ITPR2: variants seen among roughly 807,000 people sequenced by gnomAD.
ITPR2 encodes the protein inositol 1,4,5-trisphosphate receptor type 2.
In ITPR2, 207 loss-of-function variants were observed where a neutral mutation model predicts 317.1. The observed-to-expected ratio is 0.65, with a 90% CI of 0.58 to 0.73. The LOEUF is 0.73. Among genes scored for constraint, ITPR2 ranks in the 30% least tolerant of loss-of-function variants. The pLI, the probability that ITPR2 is intolerant of heterozygous loss-of-function variation, is 0.00. For synonymous variants in ITPR2, 1,156 were observed against 1,149.1 expected, an observed-to-expected ratio of 1.01 and a Z score of -0.12; for missense variants, 2,613 against 3,284.0, an observed-to-expected ratio of 0.80 and a Z score of 4.99.
chr12:26,528,505 A>G (rs1418243832), intron 37 of ITPR2, among the ~76,000 whole-genome samples: 1 of 152,228 alleles, frequency 6.6e-6, no homozygotes, highest in Non-Finnish European at 1.5e-5. Context: ...TTGTACTGAA[A>G]TGCCATTTCT....
intron 21 of ITPR2, among the ~76,000 whole-genome samples, chr12:26,645,054 A>T (rs1947081460): frequency 6.6e-6 from 1 of 152,000 alleles, no homozygotes; most frequent in Non-Finnish European, 1.5e-5. Context: ...CCTCCACTAA[A>T]CTGCATCACA....
chr12:26,438,719 C>T (rs187627506), intron 47 of ITPR2, among the ~76,000 whole-genome samples: 20 of 152,226 alleles, frequency 1.3e-4, no homozygotes, highest in Non-Finnish European at 2.6e-4. Flanking sequence ...AAACACGAAA[C>T]AATCCCCTCA....
chr12:26,830,820 A>G (rs1248631468), intron 1 of ITPR2, among the ~76,000 whole-genome samples: 2 of 152,204 alleles, frequency 1.3e-5, no homozygotes, highest in Non-Finnish European at 2.9e-5. Flanking sequence ...AATTACTACA[A>G]TAGCTAACAC....
chr12:26,366,491 CT>C lies in ITPR2; in HGVS notation c.7857+20942del, dbSNP rs373394236. ...CTATCTTCAAAATAAAATACATTTT[CT>C]TTTTGTTGAAATAACTCAAATACAA... is the stretch of plus-strand genomic sequence containing the variant. On this transcript the variant is annotated intron_variant, in intron 55 of 56. Coordinates refer to ENST00000381340, the MANE Select transcript of ITPR2 (RefSeq NM_002223.4). 5.2e-3 allele frequency among the ~76,000 whole-genome samples: 795 copies of C among 152,248 alleles called. 9 individuals are homozygous for C. Among genetic ancestry groups the C allele is most frequent in the African/African-American group, 0.018 (756 of 41,574 alleles).
intron 45 of ITPR2, among the ~76,000 whole-genome samples, chr12:26,459,599 C>T (rs768252182): frequency 6.6e-6 from 1 of 152,168 alleles, no homozygotes; most frequent in Non-Finnish European, 1.5e-5. Context: ...TTTTGTGAAT[C>T]TCTCTCCTCT....
chr12:26,433,629 A>T (rs570434125), intron 48 of ITPR2, among the ~76,000 whole-genome samples: 1 of 152,288 alleles, frequency 6.6e-6, no homozygotes, highest in African/African-American at 2.4e-5. Context: ...TTTGTATTTT[A>T]AAAAATACAA....
intron 34 of ITPR2, among the ~76,000 whole-genome samples, chr12:26,562,663 A>C (rs1944850804): frequency 6.6e-6 from 1 of 152,000 alleles, no homozygotes; most frequent in African/African-American, 2.4e-5. Context: ...GTCAACCAAA[A>C]CAAAGTGCAG....
rs1460328130 is a variant in ITPR2, at chr12:26,476,958, C to T, written c.6173G>A (p.Ser2058Asn). The T allele has an allele frequency of 3.7e-6, 6 of 1,613,522 alleles. No individual in the cohort carries two copies. The South Asian group carries it at 5.5e-5, about 15-fold the overall frequency. Residue 2058 changes from serine (S) to asparagine (N), a missense_variant, in exon 44 of 57, where the codon AGT becomes AAT. Coordinates refer to ENST00000381340, the MANE Select transcript of ITPR2 (RefSeq NM_002223.4). ...AAAAAGAATTCTTTCTGCATTCTCA[C>T]TGTCATGTCTGCTTTCCATAATGGC... Reference protein sequence around the residue: ...LLAIMESRHDSENAERILFNM... With the variant: ...LLAIMESRHDNENAERILFNM...
intron 37 of ITPR2, among the ~76,000 whole-genome samples, chr12:26,496,997 A>T (rs1270206851): frequency 6.6e-6 from 1 of 151,696 alleles, no homozygotes; most frequent in Non-Finnish European, 1.5e-5. Context: ...CTCCAAATTT[A>T]AGGGATCACC....
intron 37 of ITPR2, 138 bp from the exon 38 acceptor site, chr12:26,495,398 TC>T: frequency 1.8e-6 from 1 of 555,116 alleles, no homozygotes; most frequent in East Asian, 3.0e-5. Flanking sequence ...GATAATATTT[TC>T]TGAGGCAAAA....
At chr12:26,770,621 C>T (rs1428446207) in intron 2 of ITPR2, among the ~76,000 whole-genome samples, 1 of 152,176 alleles carries the variant, frequency 6.6e-6, no homozygotes, top group Non-Finnish European at 1.5e-5. Flanking sequence ...CCTCAACTTC[C>T]TCATCTATAA....
At chr12:26,531,482 C>T (rs1235617741) in intron 37 of ITPR2, among the ~76,000 whole-genome samples, 4 of 152,114 alleles carry the variant, frequency 2.6e-5, no homozygotes, top group African/African-American at 7.2e-5. Context: ...TTTTTTCATT[C>T]GTCTTAGCTT....
chr12:26,574,703 G>T (rs543857639), intron 34 of ITPR2, among the ~76,000 whole-genome samples: 1 of 152,152 alleles, frequency 6.6e-6, no homozygotes, highest in Non-Finnish European at 1.5e-5. Flanking sequence ...TACAAGCATG[G>T]CCTTTGCACC....
Position 26,591,957 on chromosome 12 carries a change from T to C in ITPR2, c.4380+3508A>G, listed in dbSNP as rs116429446. ...AGAGATATCTGCACTCCCATGTTTG[T>C]TGCAGCACAGTTCACAATAGCCAAA... is the stretch of plus-strand genomic sequence containing the variant. On this transcript the variant is annotated intron_variant, in intron 32 of 56. Transcript: ENST00000381340. 7.0e-3 allele frequency among the ~76,000 whole-genome samples: 1,070 copies of C among 152,354 alleles called. 12 individuals carry two copies. Among genetic ancestry groups the C allele is most frequent in the African/African-American group, 0.025 (1,037 of 41,588 alleles).
In ITPR2 at chr12:26,453,791, G is replaced by A. The variant is rs529545039; in HGVS notation, c.6343-10141C>T. Reference sequence around the variant, plus strand: ...GTCCCCTCCCACATATTTCAAGTGTGGTTTGGGAAAAACTAGCAGAACAGA... The same window carrying A: ...GTCCCCTCCCACATATTTCAAGTGTAGTTTGGGAAAAACTAGCAGAACAGA... On this transcript the variant is annotated intron_variant, in intron 45 of 56. Coordinates refer to ENST00000381340, the MANE Select transcript of ITPR2 (RefSeq NM_002223.4). 5.5e-4 allele frequency among the ~76,000 whole-genome samples: 83 copies of A among 152,266 alleles called. 2 individuals carry two copies. The highest frequency in any genetic ancestry group is 1.7e-3 in the African/African-American group (70 of 41,548).
Position 26,663,863 on chromosome 12 carries a change from C to T in ITPR2, c.1552-17G>A. The T allele has an allele frequency of 1.3e-6, 2 of 1,593,924 alleles. No individual in the cohort carries two copies. Among genetic ancestry groups the T allele is most frequent in the South Asian group, 2.3e-5 (2 of 86,888 alleles). On this transcript the variant is annotated splice_polypyrimidine_tract_variant and intron_variant, in intron 14 of 56. Transcript: ENST00000381340. ...TCCAAATACCTATCAGGAATAAAAACAGCCACCTATTCTGATGAATAAAAT... is the reference window on the plus strand; with the variant it reads ...TCCAAATACCTATCAGGAATAAAAATAGCCACCTATTCTGATGAATAAAAT...
At chr12:26,658,745 C>T (rs1043002225) in intron 16 of ITPR2, among the ~76,000 whole-genome samples, 11 of 152,180 alleles carry the variant, frequency 7.2e-5, no homozygotes, top group African/African-American at 2.7e-4. Flanking sequence ...GGGCAAGTTG[C>T]TCACTCGGCT....
intron 2 of ITPR2, 55 bp from the exon 3 acceptor site, chr12:26,725,820 G>GT: frequency 8.5e-7 from 1 of 1,173,880 alleles, no homozygotes; most frequent in Non-Finnish European, 1.3e-6. Flanking sequence ...GCATTTCTTA[G>GT]ATTTCCCTTA....
At chr12:26,672,602 A>G (rs1947806280) in intron 13 of ITPR2, among the ~76,000 whole-genome samples, 1 of 151,336 alleles carries the variant, frequency 6.6e-6, no homozygotes, top group Non-Finnish European at 1.5e-5. Flanking sequence ...AAAGCAGGAA[A>G]GATCCAAAAT....
Sources: gnomAD v4.1 joint callset for allele counts (sites outside exome capture counted in the v4.1 genomes callset) on GRCh38, gnomAD v4.1.1 for gene constraint, MANE v1.5 for transcripts, NCBI Gene and HGNC (gene_info 2026-07-23, HGNC 2026-07-21) for gene names.